The following TTC28 variants were observed in gnomAD, a reference collection of about 807,000 sequenced individuals.
TTC28 encodes the protein tetratricopeptide repeat domain 28, also known as tetratricopeptide repeat protein 28.
A neutral mutation model predicts 198.0 loss-of-function variants in TTC28; 61 were observed. That is an observed-to-expected ratio of 0.31 (90% CI 0.25 to 0.38). TTC28 has a LOEUF of 0.38. TTC28 is among the 10% of genes least tolerant of loss of function. The pLI is 1.00. For synonymous variants in TTC28, 1,171 were observed against 1,297.8 expected (o/e 0.90, Z 2.10); for missense variants, 2,678 against 3,164.0 (o/e 0.85, Z 3.69).
chr22:28,036,469 A>G (rs1481477997), intron 12 of TTC28, among the ~76,000 whole-genome samples: 2 of 152,214 alleles, frequency 1.3e-5, no homozygotes, highest in Admixed American at 6.5e-5. Flanking sequence ...TTTGAAACCA[A>G]TGAGAACAAA....
rs1601628423 is a variant in TTC28 at position 28,108,187 on chromosome 22, T to C, written c.1658A>G (p.Gln553Arg). ...GGCAAGGTTCCCATGTGTGGAGGCC[T>C]GTGAGGCGCGGTCATTCACTTCCAT... is the stretch of plus-strand genomic sequence containing the variant. Reference protein sequence around the residue: ...ISMEVNDRASQASTHGNLAVA... With the variant: ...ISMEVNDRASRASTHGNLAVA... The change falls in exon 7 of 23, where the codon CAG (glutamine) becomes CGG (arginine). Residue 553 changes from glutamine (Q) to arginine (R), a missense_variant. Physicochemically the swap from Gln to Arg is conservative, Grantham distance 43. This residue lies in a region of TTC28 where 775 missense variants were observed against 845.9 expected (regional missense o/e 0.92). Transcript: ENST00000397906. 1 of 1,551,694 alleles carries C rather than the reference T, an allele frequency of 6.4e-7. No individual in the cohort carries two copies. Among genetic ancestry groups the C allele is most frequent in the Middle Eastern group, 1.7e-4 (1 of 5,992 alleles).
At chr22:28,083,034 T>A (rs939307083) in intron 12 of TTC28, among the ~76,000 whole-genome samples, 3 of 152,102 alleles carry the variant, frequency 2.0e-5, no homozygotes, top group African/African-American at 7.2e-5. Context: ...ATTAATTGAT[T>A]AGAATGAGGG....
At chr22:28,402,273 G>A (rs1342201872) in intron 2 of TTC28, among the ~76,000 whole-genome samples, 1 of 152,198 alleles carries the variant, frequency 6.6e-6, no homozygotes, top group East Asian at 1.9e-4. Context: ...AGCTCCTGGT[G>A]TCCACAGTGA....
rs146126333 is a variant in TTC28, at chr22:28,252,881, T to C, written c.933+43317A>G. ...GCCCAAAAGAACAGCATAAAATGGG[T>C]AAAAAAACACCCAAATATACATCCT... On this transcript the variant is annotated intron_variant, in intron 5 of 22. Transcript: ENST00000397906. Among the ~76,000 whole-genome samples the C allele has an allele frequency of 1.0e-3, 152 of 152,230 alleles. 1 individual carries two copies. Among genetic ancestry groups the C allele is most frequent in the South Asian group, 1.9e-3 (9 of 4,816 alleles).
intron 5 of TTC28, among the ~76,000 whole-genome samples, chr22:28,290,285 C>A (rs926585012): frequency 6.6e-6 from 1 of 152,054 alleles, no homozygotes; most frequent in African/African-American, 2.4e-5. Context: ...AATTTAGGAT[C>A]ACAGGTACAA....
Position 27,978,943 on chromosome 22 carries a change from T to C in TTC28, c.*3278A>G, listed in dbSNP as rs1409226822. 6.6e-6 allele frequency: 1 copy of C among 152,236 alleles called. No homozygotes were observed. The highest frequency in any genetic ancestry group is 1.5e-5 in the Non-Finnish European group (1 of 68,062). The allele number at this position is 152,236 out of a possible 1,614,324, so 9.4% of individuals were successfully genotyped here. On this transcript the variant is annotated 3_prime_UTR_variant, in exon 23 of 23. Coordinates refer to ENST00000397906, the MANE Select transcript of TTC28 (RefSeq NM_001145418.2). ...AGCTAAAAGGAAATATATGCAATGCTTTCTGCAAATGGTAAGGAAAAAATT... is the reference window on the plus strand; with the variant it reads ...AGCTAAAAGGAAATATATGCAATGCCTTCTGCAAATGGTAAGGAAAAAATT...
At chr22:28,009,284 C>G (rs1281048736) in intron 14 of TTC28, among the ~76,000 whole-genome samples, 1 of 152,238 alleles carries the variant, frequency 6.6e-6, no homozygotes, top group Non-Finnish European at 1.5e-5. Flanking sequence ...TTCATACTGT[C>G]TGACCTAGTC....
At chr22:28,405,192 GT>G (rs1211687513) in intron 2 of TTC28, among the ~76,000 whole-genome samples, 1 of 152,076 alleles carries the variant, frequency 6.6e-6, no homozygotes, top group African/African-American at 2.4e-5. Context: ...TTTTGACAAT[GT>G]TTTTGAGATT....
At chr22:28,253,729 A>G (rs1930686836) in intron 5 of TTC28, among the ~76,000 whole-genome samples, 1 of 152,296 alleles carries the variant, frequency 6.6e-6, no homozygotes, top group East Asian at 1.9e-4. Context: ...TAGAAGAGGG[A>G]CTGCAGAAGA....
chr22:28,048,461 G>A (rs1215541283), intron 12 of TTC28, among the ~76,000 whole-genome samples: 2 of 152,088 alleles, frequency 1.3e-5, no homozygotes, highest in African/African-American at 4.8e-5. Flanking sequence ...ACGAAAGAAT[G>A]AGCCAGGATT....
chr22:28,489,847 C>T (rs115933379), intron 2 of TTC28, among the ~76,000 whole-genome samples: 2,463 of 152,064 alleles, frequency 0.016, 89 homozygotes, highest in African/African-American at 0.057. Context: ...AGGGACAGCA[C>T]TAATAGGATA....
chr22:28,183,686 A>G (rs534594183), intron 5 of TTC28, among the ~76,000 whole-genome samples: 122 of 152,314 alleles, frequency 8.0e-4, no homozygotes, highest in African/African-American at 2.8e-3. Context: ...TTTGGCAGCC[A>G]TCCAAGACCA....
chr22:28,094,204 C>T lies in TTC28; in HGVS notation c.3808G>A (p.Val1270Met). The T allele has an allele frequency of 6.4e-7, 1 of 1,551,392 alleles. No homozygotes were observed. The highest frequency in any genetic ancestry group is 8.7e-7 in the Non-Finnish European group (1 of 1,146,866). The change falls in exon 12 of 23, where the codon GTG becomes ATG. Residue 1270 changes from valine (V) to methionine (M), a missense_variant. By Grantham distance (21) the Val-to-Met change is conservative. This residue lies in a region of TTC28 where 727 missense variants were observed against 861.9 expected (regional missense o/e 0.84). Coordinates refer to ENST00000397906, the MANE Select transcript of TTC28 (RefSeq NM_001145418.2). ...GCCTGGAAGTCACTTGAGTTTTCCA[C>T]TGTGTTCTCACCCAGGTAGTGTTCA... Reference protein sequence around the residue: ...FHEHYLGENTVENSSDFQASS... With the variant: ...FHEHYLGENTMENSSDFQASS...
At chr22:28,645,561 G>GGGGT (rs1013013683) in intron 1 of TTC28, among the ~76,000 whole-genome samples, 2 of 151,354 alleles carry the variant, frequency 1.3e-5, no homozygotes, top group African/African-American at 2.4e-5. Flanking sequence ...CAGGAGTCCA[G>GGGGT]GGGTGCAGGG....
chr22:28,638,377 G>T (rs2051309263), intron 1 of TTC28, among the ~76,000 whole-genome samples: 1 of 151,836 alleles, frequency 6.6e-6, no homozygotes, highest in South Asian at 2.1e-4. Context: ...TAAAAGGAAA[G>T]AATCTTTTAT....
chr22:28,302,583 T>A (rs2045048299), intron 3 of TTC28, among the ~76,000 whole-genome samples: 1 of 152,230 alleles, frequency 6.6e-6, no homozygotes, highest in Non-Finnish European at 1.5e-5. Context: ...GGAAGCAACC[T>A]TGCTCAGCCA....
At chr22:28,316,265 A>G (rs1181246115) in intron 2 of TTC28, among the ~76,000 whole-genome samples, 1 of 152,134 alleles carries the variant, frequency 6.6e-6, no homozygotes, top group Non-Finnish European at 1.5e-5. Context: ...GCTTGAAAGA[A>G]TTCAACAGAT....
chr22:28,048,605 A>G (rs1939959493), intron 12 of TTC28, among the ~76,000 whole-genome samples: 1 of 152,176 alleles, frequency 6.6e-6, no homozygotes. Flanking sequence ...GAACTAGCAC[A>G]TCGATTAGGC....
chr22:28,021,791 T>A (rs1256424766), intron 13 of TTC28, among the ~76,000 whole-genome samples: 1 of 152,154 alleles, frequency 6.6e-6, no homozygotes, highest in Non-Finnish European at 1.5e-5. Flanking sequence ...TCCTTCATGG[T>A]CTGTCTAGAT....
Sources: gnomAD v4.1 joint callset for allele counts (sites outside exome capture counted in the v4.1 genomes callset) on GRCh38, gnomAD v4.1.1 for gene constraint, gnomAD v4.1.1 regional missense constraint, MANE v1.5 for transcripts, NCBI Gene and HGNC (gene_info 2026-07-23, HGNC 2026-07-21) for gene names.